Variants in SLC4A10 observed in about 807,000 individuals in gnomAD.
SLC4A10 encodes the protein sodium-driven chloride bicarbonate exchanger.
Under a neutral mutation model 137.7 loss-of-function variants are expected in SLC4A10, and 42 were observed. That is an observed-to-expected ratio of 0.30 (90% CI 0.24 to 0.39). The LOEUF is 0.39. SLC4A10 is among the 10% of genes least tolerant of loss of function. The pLI, the probability that SLC4A10 is intolerant of heterozygous loss-of-function variation, is 1.00. For missense variants in SLC4A10, 925 were observed against 1,355.0 expected (o/e 0.68, Z 4.98); for synonymous variants, 474 against 464.1 (o/e 1.02, Z -0.27).
chr2:161,706,176 G>T (rs189879741), intron 1 of SLC4A10, among the ~76,000 whole-genome samples: 2 of 151,418 alleles, frequency 1.3e-5, no homozygotes, highest in Admixed American at 1.3e-4. Context: ...TGTTTTTATT[G>T]CAAAGATCAA....
chr2:161,796,374 G>A (rs904797669), intron 2 of SLC4A10, among the ~76,000 whole-genome samples: 2 of 152,172 alleles, frequency 1.3e-5, no homozygotes, highest in Admixed American at 6.5e-5. Flanking sequence ...AACTGAGGCC[G>A]GCTGGTTTGT....
At chr2:161,863,569 A>T (rs939985695) in intron 6 of SLC4A10, among the ~76,000 whole-genome samples, 1 of 152,208 alleles carries the variant, frequency 6.6e-6, no homozygotes, top group Non-Finnish European at 1.5e-5. Flanking sequence ...GTGGCTTTAC[A>T]TACATTATGG....
chr2:161,697,063 T>A (rs536875535), intron 1 of SLC4A10, among the ~76,000 whole-genome samples: 13 of 152,342 alleles, frequency 8.5e-5, no homozygotes, highest in African/African-American at 2.9e-4. Context: ...CCAGTGATGA[T>A]GAGCATTTTT....
intron 3 of SLC4A10, among the ~76,000 whole-genome samples, chr2:161,827,626 C>T (rs563486284): frequency 2.2e-4 from 34 of 151,688 alleles, no homozygotes; most frequent in African/African-American, 8.0e-4. Context: ...TGCAGTGGCG[C>T]GCGATCTCGG....
At chr2:161,711,105 A>G (rs540669062) in intron 1 of SLC4A10, among the ~76,000 whole-genome samples, 111 of 151,974 alleles carry the variant, frequency 7.3e-4, no homozygotes, top group African/African-American at 2.6e-3. Context: ...TGAAAATTGC[A>G]TTAAAGACTT....
intron 1 of SLC4A10, among the ~76,000 whole-genome samples, chr2:161,761,497 T>C (rs943818677): frequency 3.9e-5 from 6 of 151,912 alleles, no homozygotes; most frequent in South Asian, 2.1e-4. Context: ...GGGTACAAAA[T>C]TGGATTCATA....
chr2:161,841,912 C>T (rs1368772401), intron 4 of SLC4A10, among the ~76,000 whole-genome samples: 1 of 151,980 alleles, frequency 6.6e-6, no homozygotes, highest in Non-Finnish European at 1.5e-5. Flanking sequence ...AAATATATGC[C>T]CTTTTAAATT....
At chr2:161,667,260 T>C (rs986700354) in intron 1 of SLC4A10, among the ~76,000 whole-genome samples, 2 of 151,690 alleles carry the variant, frequency 1.3e-5, no homozygotes, top group African/African-American at 2.4e-5. Context: ...AATTTTATGA[T>C]GTTATTTTAG....
chr2:161,963,102 C>T (rs909608504), intron 21 of SLC4A10, among the ~76,000 whole-genome samples: 2 of 151,864 alleles, frequency 1.3e-5, no homozygotes, highest in African/African-American at 4.8e-5. Flanking sequence ...GGCCGAAGAA[C>T]AATAAACCAA....
At chr2:161,773,355 C>T (rs1298598796) in intron 2 of SLC4A10, among the ~76,000 whole-genome samples, 1 of 151,756 alleles carries the variant, frequency 6.6e-6, no homozygotes. Context: ...ATTAAATTTC[C>T]AACACACGCC....
At chr2:161,837,229 A>G (rs1428403307) in intron 3 of SLC4A10, among the ~76,000 whole-genome samples, 1 of 152,230 alleles carries the variant, frequency 6.6e-6, no homozygotes, top group Non-Finnish European at 1.5e-5. Context: ...CAAAAAAATT[A>G]GAAATAATAA....
chr2:161,865,198 T>C (rs2060667052), intron 6 of SLC4A10, among the ~76,000 whole-genome samples: 1 of 152,090 alleles, frequency 6.6e-6, no homozygotes, highest in Admixed American at 6.5e-5. Context: ...ACAGAATTTA[T>C]TGGAGCAATG....
intron 10 of SLC4A10, among the ~76,000 whole-genome samples, chr2:161,891,400 G>T (rs1243610722): frequency 1.3e-5 from 2 of 152,002 alleles, no homozygotes; most frequent in Non-Finnish European, 2.9e-5. Flanking sequence ...TTTCCAACTT[G>T]GTCCTATTCT....
chr2:161,660,395 A>G (rs564921270), intron 1 of SLC4A10, among the ~76,000 whole-genome samples: 12 of 152,352 alleles, frequency 7.9e-5, no homozygotes, highest in African/African-American at 2.9e-4. Flanking sequence ...AAATTGAGAA[A>G]TATAGTTATG....
chr2:161,712,803 A>AATTT (rs1275602799), intron 1 of SLC4A10, among the ~76,000 whole-genome samples: 1 of 151,870 alleles, frequency 6.6e-6, no homozygotes, highest in Non-Finnish European at 1.5e-5. Context: ...TCTCTGAAGA[A>AATTT]ATTTCCTCAG....
At chr2:161,928,363 G>A (rs1389973882) in intron 15 of SLC4A10, among the ~76,000 whole-genome samples, 2 of 119,118 alleles carry the variant, frequency 1.7e-5, no homozygotes, top group Non-Finnish European at 3.4e-5. Flanking sequence ...CACACTCTGG[G>A]GACTGTTGTG....
intron 1 of SLC4A10, among the ~76,000 whole-genome samples, chr2:161,641,480 A>G (rs2105489872): frequency 6.6e-6 from 1 of 152,270 alleles, no homozygotes; most frequent in Admixed American, 6.5e-5. Context: ...TATCTTTAAG[A>G]GATTTGAAAA....
chr2:161,906,565 T>G (rs1684411812), intron 15 of SLC4A10, among the ~76,000 whole-genome samples: 1 of 152,210 alleles, frequency 6.6e-6, no homozygotes, highest in Admixed American at 6.5e-5. Context: ...ACCCCATTAT[T>G]TAATTGTAGA....
intron 4 of SLC4A10, among the ~76,000 whole-genome samples, chr2:161,841,004 G>T (rs182124778): frequency 1.3e-5 from 2 of 152,098 alleles, no homozygotes; most frequent in African/African-American, 4.8e-5. Flanking sequence ...GAAAAGCAGA[G>T]GGGACAGTAT....
Sources: gnomAD v4.1 joint callset for allele counts (sites outside exome capture counted in the v4.1 genomes callset) on GRCh38, gnomAD v4.1.1 for gene constraint, MANE v1.5 for transcripts, NCBI Gene and HGNC (gene_info 2026-07-23, HGNC 2026-07-21) for gene names.